Variants in AAK1 observed in about 807,000 individuals in gnomAD.
AAK1 encodes the protein AP2 associated kinase 1, also known as AP2-associated protein kinase 1.
AAK1 carries 37 observed loss-of-function variants against 116.0 expected under a neutral mutation model. The ratio of observed to expected loss-of-function variants is 0.32; its 90% CI spans 0.25 to 0.42. AAK1 has a LOEUF of 0.42. Among genes scored for constraint, AAK1 ranks in the 10% least tolerant of loss-of-function variants. AAK1 has a pLI of 1.00. For missense variants in AAK1, 919 were observed against 1,170.6 expected (o/e 0.79, Z 3.14); for synonymous variants, 458 against 439.9 (o/e 1.04, Z -0.51).
intron 3 of AAK1, 87 bp from the exon 4 acceptor site, chr2:69,544,631 T>C: frequency 5.3e-6 from 5 of 935,082 alleles, no homozygotes; most frequent in Non-Finnish European, 6.7e-6. Flanking sequence ...CACAGATAAT[T>C]TAAATACAGA....
intron 17 of AAK1, among the ~76,000 whole-genome samples, chr2:69,487,502 T>C (rs530862494): frequency 1.3e-5 from 2 of 152,320 alleles, no homozygotes; most frequent in South Asian, 2.1e-4. Flanking sequence ...CTTAGTGATG[T>C]CTAATGAACA....
intron 8 of AAK1, among the ~76,000 whole-genome samples, chr2:69,529,514 G>A (rs1270360692): frequency 6.6e-6 from 1 of 152,054 alleles, no homozygotes; most frequent in Non-Finnish European, 1.5e-5. Flanking sequence ...TTTTAAGAAA[G>A]CATTGAGTTT....
At chr2:69,567,387 G>A (rs1671921557) in intron 2 of AAK1, among the ~76,000 whole-genome samples, 1 of 152,060 alleles carries the variant, frequency 6.6e-6, no homozygotes, top group African/African-American at 2.4e-5. Context: ...ATACTTATAG[G>A]GTAATTCCTG....
intron 2 of AAK1, among the ~76,000 whole-genome samples, chr2:69,569,790 G>A (rs1249879681): frequency 1.3e-5 from 2 of 152,122 alleles, no homozygotes. Context: ...AATTGTTTAT[G>A]TTGTTGAATG....
At chr2:69,531,833 C>A in intron 6 of AAK1, 1 of 1,264,086 alleles carries the variant, frequency 7.9e-7, no homozygotes, top group Non-Finnish European at 1.0e-6. Context: ...CTCTAAGAGT[C>A]CTTCCTTTTA....
intron 13 of AAK1, among the ~76,000 whole-genome samples, chr2:69,509,664 C>T (rs1039852201): frequency 6.6e-6 from 1 of 152,136 alleles, no homozygotes; most frequent in African/African-American, 2.4e-5. Flanking sequence ...CTGATAACAA[C>T]ATGGTATTTG....
At chr2:69,623,527 C>CTT (rs1325693675) in intron 2 of AAK1, among the ~76,000 whole-genome samples, 2 of 152,270 alleles carry the variant, frequency 1.3e-5, no homozygotes, top group African/African-American at 4.8e-5. Flanking sequence ...CTGAAAAACT[C>CTT]TGAATGGAGG....
In AAK1 at chr2:69,468,654, A is replaced by G. The variant is rs1572869311; in HGVS notation, c.*7215T>C. The G allele has an allele frequency of 2.0e-6, 2 of 985,424 alleles. No individual in the cohort carries two copies. Among genetic ancestry groups the G allele is most frequent in the African/African-American group, 3.5e-5 (2 of 57,354 alleles). The allele number at this position is 985,424 out of a possible 1,614,324, so 61.0% of individuals were successfully genotyped here. ...GAGTCAGTGTTTTTTGGAAATTTAAACTGAATTCAGTTAAAACAATTTGTG... is the reference window on the plus strand; with the variant it reads ...GAGTCAGTGTTTTTTGGAAATTTAAGCTGAATTCAGTTAAAACAATTTGTG... On this transcript the variant is annotated 3_prime_UTR_variant, in exon 22 of 22. Transcript: ENST00000409085.
At chr2:69,640,361 CAG>C (rs529967268) in intron 2 of AAK1, among the ~76,000 whole-genome samples, 100 of 152,212 alleles carry the variant, frequency 6.6e-4, no homozygotes, top group African/African-American at 2.4e-3. Context: ...CACAGGGAAA[CAG>C]AGATTCAAGA....
chr2:69,610,050 CAAAAA>C (rs760754177), intron 2 of AAK1, among the ~76,000 whole-genome samples: 1 of 53,538 alleles, frequency 1.9e-5, no homozygotes. Flanking sequence ...GACTCTGTCT[CAAAAA>C]AAAAAAAAAA....
intron 17 of AAK1, among the ~76,000 whole-genome samples, chr2:69,490,945 A>ACG (rs1675498080): frequency 1.3e-5 from 2 of 151,280 alleles, no homozygotes; most frequent in South Asian, 4.2e-4. Flanking sequence ...ACACACACAC[A>ACG]CTTTTTAAGA....
At chr2:69,477,104 G>T in intron 20 of AAK1, 114 bp from the exon 21 acceptor site, 1 of 595,308 alleles carries the variant, frequency 1.7e-6, no homozygotes, top group Non-Finnish European at 2.8e-6. Context: ...ATTTTCAAAG[G>T]TGAAAGGATT....
At position 69,643,188 on chromosome 2, in the gene AAK1, C is replaced by T; in HGVS notation, c.-148G>A. 4 of 1,425,610 alleles carry T rather than the reference C, an allele frequency of 2.8e-6. No homozygotes were observed. In the East Asian group the frequency reaches 7.7e-5, roughly 27 times the overall value. The allele number at this position is 1,425,610 out of a possible 1,614,324, so 88.3% of individuals were successfully genotyped here. A position where few individuals can be genotyped will look rare whatever the true frequency, so the allele number is the denominator to read the frequency against. ...CCGAATCCGGCCGTGGGGGTGGGGG[C>T]TGAGGGAGGATGCCTATAGGAATAT... On this transcript the variant is annotated 5_prime_UTR_variant, in exon 2 of 22. Transcript: ENST00000409085.
intron 16 of AAK1, among the ~76,000 whole-genome samples, chr2:69,501,026 A>C (rs1186212860): frequency 6.6e-6 from 1 of 152,074 alleles, no homozygotes; most frequent in African/African-American, 2.4e-5. Flanking sequence ...GGGACTCAGC[A>C]GCAAAGAAGA....
intron 5 of AAK1, among the ~76,000 whole-genome samples, chr2:69,536,046 T>C (rs1338389054): frequency 1.3e-5 from 2 of 152,112 alleles, no homozygotes; most frequent in Non-Finnish European, 2.9e-5. Flanking sequence ...CTTAATAGAT[T>C]AGAAAAAAGA....
chr2:69,489,252 A>G (rs1051133128), intron 17 of AAK1, among the ~76,000 whole-genome samples: 2 of 151,592 alleles, frequency 1.3e-5, no homozygotes, highest in Admixed American at 6.6e-5. Context: ...GGAGTTCAAG[A>G]CCAGCCTGGC....
chr2:69,470,624 A>G lies in AAK1; in HGVS notation c.*5245T>C, dbSNP rs964409377. On this transcript the variant is annotated 3_prime_UTR_variant, in exon 22 of 22. Coordinates refer to ENST00000409085, the MANE Select transcript of AAK1 (RefSeq NM_014911.5). ...TTAAGTTGGCCTGGGTATATTAGGG[A>G]TTAAGTTAGAGGAGGGAAGCTGCAA... The G allele has an allele frequency of 1.3e-5, 13 of 985,266 alleles. No individual in the cohort carries two copies. The highest frequency in any genetic ancestry group is 1.6e-5 in the Non-Finnish European group (13 of 829,930). The allele number at this position is 985,266 out of a possible 1,614,324, so 61.0% of individuals were successfully genotyped here.
intron 14 of AAK1, 41 bp downstream of exon 14, chr2:69,509,190 G>A (rs1316739855): frequency 2.5e-6 from 4 of 1,573,948 alleles, no homozygotes; most frequent in Non-Finnish European, 3.5e-6. Context: ...GGCAGACTTT[G>A]CCCACAGAGG....
At chr2:69,629,246 TC>T (rs965854766) in intron 2 of AAK1, among the ~76,000 whole-genome samples, 1 of 152,224 alleles carries the variant, frequency 6.6e-6, no homozygotes, top group African/African-American at 2.4e-5. Flanking sequence ...AAAATCACTG[TC>T]CTAATTTACT....
Sources: gnomAD v4.1 joint callset for allele counts (sites outside exome capture counted in the v4.1 genomes callset) on GRCh38, gnomAD v4.1.1 for gene constraint, MANE v1.5 for transcripts, NCBI Gene and HGNC (gene_info 2026-07-23, HGNC 2026-07-21) for gene names.